CHMP3: variants seen among roughly 807,000 people sequenced by gnomAD.
CHMP3 encodes 25.1 protein.
CHMP3 carries 8 observed loss-of-function variants against 27.4 expected under a neutral mutation model. The observed-to-expected ratio is 0.29, with a 90% CI of 0.17 to 0.53. The LOEUF is 0.53. CHMP3 is among the 20% of genes least tolerant of loss of function. The pLI is 0.96. For missense variants in CHMP3, 208 were observed against 271.5 expected (o/e 0.77, Z 1.64); for synonymous variants, 86 against 85.5 (o/e 1.01, Z -0.03).
At chr2:86,563,276 G>C in intron 1 of CHMP3, 28 bp downstream of exon 1, 1 of 1,613,530 alleles carries the variant, frequency 6.2e-7, no homozygotes, top group South Asian at 1.1e-5. Context: ...AGATCCACCC[G>C]CTTATCTGCC....
At chr2:86,531,431 G>A (rs905289738) in intron 2 of CHMP3, among the ~76,000 whole-genome samples, 5 of 152,112 alleles carry the variant, frequency 3.3e-5, no homozygotes, top group Admixed American at 2.0e-4. Context: ...CTATTCACAG[G>A]CATGATTATA....
intron 3 of CHMP3, chr2:86,512,178 A>G (rs186086346): frequency 2.0e-5 from 3 of 152,412 alleles, no homozygotes; most frequent in Admixed American, 2.0e-4. Flanking sequence ...GATAAGTATT[A>G]AGAGGTGGAG....
At chr2:86,546,034 C>T (rs1201007082) in intron 1 of CHMP3, among the ~76,000 whole-genome samples, 5 of 152,158 alleles carry the variant, frequency 3.3e-5, no homozygotes, top group Admixed American at 1.3e-4. Flanking sequence ...GAGGTTGTAG[C>T]GAGCTGAGAT....
intron 2 of CHMP3, among the ~76,000 whole-genome samples, chr2:86,531,306 G>A (rs934258141): frequency 8.5e-5 from 13 of 152,220 alleles, no homozygotes; most frequent in African/African-American, 3.1e-4. Context: ...ACTGTGCCCT[G>A]CCAGGTAATC....
intron 3 of CHMP3, among the ~76,000 whole-genome samples, chr2:86,521,997 T>C (rs1291313563): frequency 6.6e-6 from 1 of 152,166 alleles, no homozygotes; most frequent in Non-Finnish European, 1.5e-5. Flanking sequence ...CTGCCCCACC[T>C]TTGAACCTCT....
intron 1 of CHMP3, among the ~76,000 whole-genome samples, chr2:86,554,797 GAATA>G (rs934753855): frequency 6.7e-5 from 10 of 149,018 alleles, no homozygotes; most frequent in South Asian, 2.1e-4. Flanking sequence ...TCCATCAATA[GAATA>G]AATGTGTGTG....
chr2:86,507,033 A>AAT (rs1427833862), intron 5 of CHMP3: 2 of 150,888 alleles, frequency 1.3e-5, no homozygotes, highest in Non-Finnish European at 2.9e-5. Context: ...TTTTTTTTTT[A>AAT]ATATATATTT....
Position 86,510,024 on chromosome 2 carries a change from T to C in CHMP3, c.408+334A>G, listed in dbSNP as rs752162730. 2.4e-4 allele frequency among the ~76,000 whole-genome samples: 37 copies of C among 152,352 alleles called. 1 individual carries two copies. Among genetic ancestry groups the C allele is most frequent in the Admixed American group, 7.2e-4 (11 of 15,302 alleles). On this transcript the variant is annotated intron_variant, in intron 4 of 5. Transcript: ENST00000263856. ...GCCAAATACGGTCTCTGCCTGTTTT[T>C]GTAAATCAAGTTTCTTTCCATCTCC...
chr2:86,523,192 C>T (rs12995117), intron 3 of CHMP3, among the ~76,000 whole-genome samples: 123,011 of 152,134 alleles, frequency 0.81, 50,258 homozygotes, highest in East Asian at 0.95. Flanking sequence ...ACCTTCCTTC[C>T]GTGTTGGGAA....
intron 2 of CHMP3, among the ~76,000 whole-genome samples, chr2:86,530,518 G>A (rs1675880087): frequency 6.6e-6 from 1 of 152,134 alleles, no homozygotes; most frequent in South Asian, 2.1e-4. Context: ...TGTAGCATAT[G>A]TCAGAACTTT....
At chr2:86,520,959 C>T (rs1013212759) in intron 3 of CHMP3, among the ~76,000 whole-genome samples, 6 of 152,204 alleles carry the variant, frequency 3.9e-5, no homozygotes, top group Non-Finnish European at 8.8e-5. Context: ...TGACATTCCA[C>T]CATTGTGATT....
At chr2:86,559,203 T>A (rs1444047196) in intron 1 of CHMP3, among the ~76,000 whole-genome samples, 1 of 152,172 alleles carries the variant, frequency 6.6e-6, no homozygotes, top group East Asian at 1.9e-4. Context: ...AAATTCTTGC[T>A]CTCTTCTGCA....
Position 86,505,623 on chromosome 2 carries a change from A to T in CHMP3, c.*181T>A. 1.2e-6 allele frequency: 1 copy of T among 802,486 alleles called. No homozygotes were observed. Among genetic ancestry groups the T allele is most frequent in the Non-Finnish European group, 1.8e-6 (1 of 568,064 alleles). 49.7% of individuals were successfully genotyped at this position (802,486 alleles called of 1,614,324 possible). On this transcript the variant is annotated 3_prime_UTR_variant, in exon 6 of 6. Coordinates refer to ENST00000263856, the MANE Select transcript of CHMP3 (RefSeq NM_016079.4). ...CTATACTCCTAAAAATGATGCATTT[A>T]TTTATGCCACTTTTATAAGAACAAT... is the stretch of plus-strand genomic sequence containing the variant.
At chr2:86,523,736 T>C (rs946676675) in intron 3 of CHMP3, among the ~76,000 whole-genome samples, 14 of 151,902 alleles carry the variant, frequency 9.2e-5, no homozygotes, top group South Asian at 8.3e-4. Context: ...AGAAGTGGGA[T>C]AGGAAAGAAG....
intron 3 of CHMP3, among the ~76,000 whole-genome samples, chr2:86,517,490 C>T (rs1675357232): frequency 6.8e-6 from 1 of 145,990 alleles, no homozygotes; most frequent in Non-Finnish European, 1.5e-5. Flanking sequence ...GGCGTGAACC[C>T]AGGAGGTGGA....
At chr2:86,546,330 A>G (rs1248813385) in intron 1 of CHMP3, among the ~76,000 whole-genome samples, 6 of 115,600 alleles carry the variant, frequency 5.2e-5, no homozygotes, top group African/African-American at 6.7e-5. Flanking sequence ...ACGGCAGTAC[A>G]GTCCAGCCTC....
At position 86,558,513 on chromosome 2, in the gene CHMP3, C is replaced by T. The variant is rs563899133; in HGVS notation, c.45+4791G>A. ...ATATTTACTTAGCACCCACTGCACG[C>T]TGCATATTATATCAGAGCTCTGGAG... On this transcript the variant is annotated intron_variant, in intron 1 of 5. Coordinates refer to ENST00000263856, the MANE Select transcript of CHMP3 (RefSeq NM_016079.4). Among the ~76,000 whole-genome samples, 7 of 152,310 alleles carry T rather than the reference C, an allele frequency of 4.6e-5. No homozygotes were observed. The East Asian group carries it at 7.7e-4, about 17-fold the overall frequency.
chr2:86,507,305 T>A, intron 5 of CHMP3, 174 bp downstream of exon 5: 2 of 580,804 alleles, frequency 3.4e-6, no homozygotes, highest in Admixed American at 3.1e-5. Flanking sequence ...TTGTGTTTTT[T>A]AAAAGATGGT....
chr2:86,562,985 G>C (rs1362968625), intron 1 of CHMP3: 1 of 274,978 alleles, frequency 3.6e-6, no homozygotes, highest in Admixed American at 5.2e-5. Flanking sequence ...GGTTCCGGGC[G>C]GGTCGTACCA....
Sources: gnomAD v4.1 joint callset for allele counts (sites outside exome capture counted in the v4.1 genomes callset) on GRCh38, gnomAD v4.1.1 for gene constraint, MANE v1.5 for transcripts, NCBI Gene and HGNC (gene_info 2026-07-23, HGNC 2026-07-21) for gene names.